NUMB: variants seen among roughly 807,000 people sequenced by gnomAD.
NUMB encodes the protein NUMB endocytic adaptor protein.
NUMB carries 29 observed loss-of-function variants against 59.7 expected under a neutral mutation model. The ratio of observed to expected loss-of-function variants is 0.49; its 90% confidence interval spans 0.36 to 0.66. The LOEUF (loss-of-function observed/expected upper bound fraction) is 0.66, where lower values mean the gene tolerates loss of function less well. Among genes scored for constraint, NUMB ranks in the 30% least tolerant of loss-of-function variants. The pLI is 0.00. For missense variants in NUMB, 723 were observed against 822.0 expected, an observed-to-expected ratio of 0.88 and a Z score of 1.47; for synonymous variants, 288 against 288.2, an observed-to-expected ratio of 1.00 and a Z score of 0.01.
At chr14:73,411,198 AT>A (rs1896879959) in intron 1 of NUMB, among the ~76,000 whole-genome samples, 1 of 125,538 alleles carries the variant, frequency 8.0e-6, no homozygotes, top group African/African-American at 3.0e-5. Context: ...TGACCGGCTA[AT>A]TTTTGGGGGA....
chr14:73,391,858 T>C (rs1231114288), intron 2 of NUMB, among the ~76,000 whole-genome samples: 1 of 152,190 alleles, frequency 6.6e-6, no homozygotes, highest in African/African-American at 2.4e-5. Flanking sequence ...CAGAATTGGG[T>C]TCTACTCAAA....
At chr14:73,367,075 CAAAAT>C (rs1894376987) in intron 2 of NUMB, 94 bp from the exon 3 acceptor site, 1 of 151,744 alleles carries the variant, frequency 6.6e-6, no homozygotes, top group South Asian at 2.1e-4. Flanking sequence ...AAAACACACA[CAAAAT>C]AAAGAGGTCC....
intron 4 of NUMB, among the ~76,000 whole-genome samples, chr14:73,347,676 A>G (rs1221252351): frequency 6.6e-6 from 1 of 152,138 alleles, no homozygotes; most frequent in Non-Finnish European, 1.5e-5. Context: ...ACTTTCTCCT[A>G]TGTTGAAACT....
chr14:73,426,385 G>A (rs541174580), intron 1 of NUMB, among the ~76,000 whole-genome samples: 4 of 152,200 alleles, frequency 2.6e-5, no homozygotes, highest in African/African-American at 9.6e-5. Flanking sequence ...GGCTTCCTTG[G>A]GGAACAGGCA....
At chr14:73,440,631 G>A (rs900782743) in intron 1 of NUMB, among the ~76,000 whole-genome samples, 3 of 151,338 alleles carry the variant, frequency 2.0e-5, no homozygotes, top group African/African-American at 7.3e-5. Flanking sequence ...GGATCACGAG[G>A]TCAGGAGATC....
intron 12 of NUMB, 144 bp from the exon 13 acceptor site, chr14:73,277,437 AGTCT>A: frequency 1.5e-6 from 1 of 664,050 alleles, no homozygotes; most frequent in Non-Finnish European, 2.5e-6. Flanking sequence ...GTAGGAGTAA[AGTCT>A]CTATTACCAA....
At chr14:73,296,852 G>A (rs188871818) in intron 7 of NUMB, among the ~76,000 whole-genome samples, 26 of 151,674 alleles carry the variant, frequency 1.7e-4, no homozygotes, top group Non-Finnish European at 2.8e-4. Flanking sequence ...GTGAAACCCC[G>A]TATCTACTAA....
chr14:73,278,663 G>A (rs1446176697), intron 12 of NUMB, among the ~76,000 whole-genome samples: 1 of 151,160 alleles, frequency 6.6e-6, no homozygotes, highest in Non-Finnish European at 1.5e-5. Context: ...TCTTTCTACA[G>A]GAATGTCTGC....
At chr14:73,387,174 G>A (rs1410946693) in intron 2 of NUMB, among the ~76,000 whole-genome samples, 3 of 151,936 alleles carry the variant, frequency 2.0e-5, no homozygotes, top group African/African-American at 7.2e-5. Flanking sequence ...GAGCCACCGC[G>A]CCCGGCCTAT....
At chr14:73,357,989 T>C (rs964027525) in intron 3 of NUMB, among the ~76,000 whole-genome samples, 6 of 151,700 alleles carry the variant, frequency 4.0e-5, no homozygotes, top group African/African-American at 1.5e-4. Context: ...ACTACTCACC[T>C]ACCTACTCGG....
chr14:73,362,032 G>A (rs1041831944), intron 3 of NUMB, among the ~76,000 whole-genome samples: 1 of 152,132 alleles, frequency 6.6e-6, no homozygotes, highest in African/African-American at 2.4e-5. Context: ...CGAGGTGGGT[G>A]GATTGCTTGA....
At position 73,296,441 on chromosome 14, in the gene NUMB, CAA is replaced by C. The variant is rs34343929; in HGVS notation, c.309+768_309+769del. On this transcript the variant is annotated intron_variant, in intron 7 of 12. Coordinates refer to ENST00000555238, the MANE Select transcript of NUMB (RefSeq NM_001005743.2). Reference sequence around the variant, plus strand: ...GGGCAACAAGAGTGAAACTCCATCTCAAAAAAAAAAAAAAAAGAACTCAGATC... The same window carrying C: ...GGGCAACAAGAGTGAAACTCCATCTCAAAAAAAAAAAAAAGAACTCAGATC... Among the ~76,000 whole-genome samples, 157 of 123,984 alleles carry C rather than the reference CAA, an allele frequency of 1.3e-3. 1 individual carries two copies. Among genetic ancestry groups the C allele is most frequent in the Middle Eastern group, 4.7e-3 (1 of 212 alleles). 81.3% of individuals were successfully genotyped at this position (123,984 alleles called of 152,430 possible).
intron 12 of NUMB, among the ~76,000 whole-genome samples, chr14:73,277,836 T>A (rs1888286755): frequency 6.6e-6 from 1 of 151,792 alleles, no homozygotes; most frequent in Non-Finnish European, 1.5e-5. Flanking sequence ...GGTGGGCAGA[T>A]CACCTGAGGT....
intron 1 of NUMB, among the ~76,000 whole-genome samples, chr14:73,439,510 C>T (rs1848152104): frequency 6.6e-6 from 1 of 151,954 alleles, no homozygotes. Flanking sequence ...CCATTTCTAA[C>T]CTTCAGTTAG....
intron 6 of NUMB, among the ~76,000 whole-genome samples, chr14:73,306,309 A>G (rs1434888091): frequency 6.6e-6 from 1 of 152,202 alleles, no homozygotes; most frequent in Non-Finnish European, 1.5e-5. Flanking sequence ...AATCACTTCA[A>G]TTGGGGGAGG....
intron 2 of NUMB, among the ~76,000 whole-genome samples, chr14:73,385,347 T>C (rs943709157): frequency 6.9e-6 from 1 of 144,330 alleles, no homozygotes; most frequent in Non-Finnish European, 1.5e-5. Context: ...AGAGTCTCGC[T>C]TTGTTGCCCA....
At chr14:73,364,752 C>T (rs1378148703) in intron 3 of NUMB, among the ~76,000 whole-genome samples, 1 of 151,960 alleles carries the variant, frequency 6.6e-6, no homozygotes, top group African/African-American at 2.4e-5. Flanking sequence ...CTTCAGCCTC[C>T]TGAATAGCTG....
chr14:73,419,179 A>T (rs1400102874), intron 1 of NUMB, among the ~76,000 whole-genome samples: 1 of 152,234 alleles, frequency 6.6e-6, no homozygotes, highest in Non-Finnish European at 1.5e-5. Context: ...CTTTGGCAAA[A>T]ATTTCAAACT....
chr14:73,423,143 T>G (rs1897425610), intron 1 of NUMB, among the ~76,000 whole-genome samples: 1 of 152,038 alleles, frequency 6.6e-6, no homozygotes, highest in South Asian at 2.1e-4. Context: ...CTAAACTGCT[T>G]TACAAATATC....
Sources: allele counts gnomAD v4.1 joint callset (sites outside exome capture counted in the v4.1 genomes callset), GRCh38; gene constraint gnomAD v4.1.1; transcripts MANE v1.5; gene names NCBI Gene and HGNC (gene_info 2026-07-23, HGNC 2026-07-21).